EPHA3: variants seen among roughly 807,000 people sequenced by gnomAD.
The protein encoded by EPHA3 is EPH receptor A3, also known as ephrin type-A receptor 3.
In EPHA3, 42 loss-of-function variants were observed where a neutral mutation model predicts 107.1. The ratio of observed to expected loss-of-function variants is 0.39; its 90% confidence interval spans 0.31 to 0.51. The LOEUF (loss-of-function observed/expected upper bound fraction) is 0.51. Among genes scored for constraint, EPHA3 ranks in the 20% least tolerant of loss-of-function variants. EPHA3 has a pLI of 0.78. For synonymous variants in EPHA3, 461 were observed against 424.8 expected (o/e 1.09, Z -1.05); for missense variants, 1,183 against 1,211.2 (o/e 0.98, Z 0.35).
At chr3:89,342,175 G>A in intron 5 of EPHA3, 85 bp downstream of exon 5, 2 of 1,257,858 alleles carry the variant, frequency 1.6e-6, no homozygotes, top group East Asian at 2.5e-5. Flanking sequence ...TGGGCGGAAG[G>A]AAAAAAAGAT....
intron 5 of EPHA3, among the ~76,000 whole-genome samples, chr3:89,363,338 T>C (rs1268599232): frequency 6.6e-6 from 1 of 150,582 alleles, no homozygotes; most frequent in East Asian, 2.0e-4. Context: ...CATGTGATTG[T>C]GGAGGCTGCC....
intron 9 of EPHA3, among the ~76,000 whole-genome samples, chr3:89,409,521 T>A (rs2107518594): frequency 6.6e-6 from 1 of 152,134 alleles, no homozygotes; most frequent in East Asian, 1.9e-4. Flanking sequence ...TTAAACAGGT[T>A]CCTCTATCGT....
chr3:89,427,464 A>T (rs1457731947), intron 11 of EPHA3, among the ~76,000 whole-genome samples: 1 of 151,936 alleles, frequency 6.6e-6, no homozygotes, highest in Non-Finnish European at 1.5e-5. Context: ...TTATGTGTAC[A>T]TTAATGTTTG....
At chr3:89,284,063 A>G (rs1248936295) in intron 3 of EPHA3, among the ~76,000 whole-genome samples, 1 of 152,168 alleles carries the variant, frequency 6.6e-6, no homozygotes, top group Non-Finnish European at 1.5e-5. Flanking sequence ...ATACACATGT[A>G]TAAAATAATG....
chr3:89,380,763 G>C (rs1362507974), intron 5 of EPHA3, among the ~76,000 whole-genome samples: 1 of 149,100 alleles, frequency 6.7e-6, no homozygotes, highest in South Asian at 2.1e-4. Flanking sequence ...CAGCATAATA[G>C]GTAGTAGCTT....
intron 3 of EPHA3, among the ~76,000 whole-genome samples, chr3:89,338,596 C>T (rs779612827): frequency 1.4e-4 from 21 of 152,276 alleles, no homozygotes; most frequent in Non-Finnish European, 2.2e-4. Flanking sequence ...TCGCCCAGGC[C>T]GGACTGCAGT....
intron 3 of EPHA3, among the ~76,000 whole-genome samples, chr3:89,288,743 T>C (rs1196212314): frequency 6.6e-6 from 1 of 152,150 alleles, no homozygotes; most frequent in African/African-American, 2.4e-5. Context: ...GTTGCATAAA[T>C]GATATTGCAT....
At chr3:89,431,380 C>T in intron 13 of EPHA3, 21 bp downstream of exon 13, 3 of 1,592,308 alleles carry the variant, frequency 1.9e-6, no homozygotes, top group Admixed American at 1.7e-5. Flanking sequence ...TAGATTTTCT[C>T]CTTTTTTATC....
intron 9 of EPHA3, among the ~76,000 whole-genome samples, chr3:89,410,890 G>A (rs1709145084): frequency 6.6e-6 from 1 of 151,724 alleles, no homozygotes; most frequent in Non-Finnish European, 1.5e-5. Flanking sequence ...TAACAATAAA[G>A]CACAACAGAT....
chr3:89,475,500 G>A (rs1710488060), intron 16 of EPHA3, among the ~76,000 whole-genome samples: 1 of 152,150 alleles, frequency 6.6e-6, no homozygotes, highest in South Asian at 2.1e-4. Flanking sequence ...AGCTACTCAA[G>A]TTATCTCATT....
At chr3:89,416,932 C>G (rs1488291227) in intron 10 of EPHA3, among the ~76,000 whole-genome samples, 1 of 151,498 alleles carries the variant, frequency 6.6e-6, no homozygotes, top group Non-Finnish European at 1.5e-5. Context: ...TTATCGCCAT[C>G]ATTACCATAA....
intron 3 of EPHA3, among the ~76,000 whole-genome samples, chr3:89,292,485 G>A (rs1374357425): frequency 3.9e-5 from 6 of 151,992 alleles, no homozygotes; most frequent in Non-Finnish European, 5.9e-5. Flanking sequence ...CATCCCTTGC[G>A]GATGACTATA....
In EPHA3 at chr3:89,210,214, G is replaced by A. The variant is rs1393773449; in HGVS notation, c.508G>A (p.Glu170Lys). 2 of 1,614,078 alleles carry A rather than the reference G, an allele frequency of 1.2e-6. No individual in the cohort carries two copies. Among genetic ancestry groups the A allele is most frequent in the East Asian group, 2.2e-5 (1 of 44,876 alleles). Residue 170 changes from glutamate to lysine, a missense_variant, in exon 3 of 17, where the codon GAA becomes AAA. Physicochemically the swap from Glu to Lys is moderately conservative, Grantham distance 56. Coordinates refer to ENST00000336596, the MANE Select transcript of EPHA3 (RefSeq NM_005233.6). ...RILKLNTEIR[E>K]VGPVNKKGFY... is the part of the protein sequence containing the mutation. ...TCTGAAGCTCAACACTGAGATTAGA[G>A]AAGTAGGTCCTGTCAACAAGAAGGG...
At chr3:89,429,684 C>T (rs1356625263) in intron 12 of EPHA3, among the ~76,000 whole-genome samples, 8 of 149,744 alleles carry the variant, frequency 5.3e-5, no homozygotes, top group Non-Finnish European at 8.9e-5. Flanking sequence ...AAGCTTTATA[C>T]GTTTATCTAT....
Position 89,111,726 on chromosome 3 carries a change from A to G in EPHA3, c.88+3890A>G, listed in dbSNP as rs1424600938. Among the ~76,000 whole-genome samples, 4 of 152,274 alleles carry G rather than the reference A, an allele frequency of 2.6e-5. No homozygotes were observed. In the East Asian group the frequency reaches 5.8e-4, roughly 22 times the overall value. ...AACTTTTTGTAACCTCTCAAAATCT[A>G]TCACAAAATTAATTCATTCTGAATC... is the stretch of plus-strand genomic sequence containing the variant. On this transcript the variant is annotated intron_variant, in intron 1 of 16. Coordinates refer to ENST00000336596, the MANE Select transcript of EPHA3 (RefSeq NM_005233.6).
chr3:89,250,341 C>T (rs185701209), intron 3 of EPHA3, among the ~76,000 whole-genome samples: 53 of 152,234 alleles, frequency 3.5e-4, no homozygotes, highest in African/African-American at 1.1e-3. Context: ...ATATTTATTG[C>T]CCTTTTCCCA....
intron 5 of EPHA3, among the ~76,000 whole-genome samples, chr3:89,345,084 C>G (rs1258889860): frequency 6.6e-6 from 1 of 150,626 alleles, no homozygotes; most frequent in Non-Finnish European, 1.5e-5. Flanking sequence ...TTCTTCTGGA[C>G]AAAAACAATC....
intron 9 of EPHA3, among the ~76,000 whole-genome samples, chr3:89,412,049 G>C (rs1709163201): frequency 6.6e-6 from 1 of 151,894 alleles, no homozygotes; most frequent in South Asian, 2.1e-4. Flanking sequence ...AAAATCAGTA[G>C]TCTTAGCAGA....
chr3:89,244,894 T>C lies in EPHA3; in HGVS notation c.814+34374T>C, dbSNP rs548880346. Among the ~76,000 whole-genome samples, 7 of 152,316 alleles carry C rather than the reference T, an allele frequency of 4.6e-5. No individual in the cohort carries two copies. The East Asian group carries it at 1.3e-3, about 29-fold the overall frequency. On this transcript the variant is annotated intron_variant, in intron 3 of 16. Transcript: ENST00000336596. ...ACACATTTTCCTATGAAAATGCAATTGAGCAGATTGTTCTGGGCAAAGTTC... is the reference window on the plus strand; with the variant it reads ...ACACATTTTCCTATGAAAATGCAATCGAGCAGATTGTTCTGGGCAAAGTTC...
Sources: allele counts gnomAD v4.1 joint callset (sites outside exome capture counted in the v4.1 genomes callset), GRCh38; gene constraint gnomAD v4.1.1; transcripts MANE v1.5; gene names NCBI Gene and HGNC (gene_info 2026-07-23, HGNC 2026-07-21).